The following CERS6 variants were observed in gnomAD, a reference collection of about 807,000 sequenced individuals.
CERS6 encodes LAG1 homolog, ceramide synthase 6.
A neutral mutation model predicts 56.8 loss-of-function variants in CERS6; 26 were observed. That is an observed-to-expected ratio of 0.46 (90% CI 0.34 to 0.63). The LOEUF (loss-of-function observed/expected upper bound fraction) is 0.63. Among genes scored for constraint, CERS6 ranks in the 30% least tolerant of loss-of-function variants. The pLI, the probability that CERS6 is intolerant of heterozygous loss-of-function variation, is 0.01. For missense variants in CERS6, 415 were observed against 467.5 expected, an observed-to-expected ratio of 0.89 and a Z score of 1.04; for synonymous variants, 164 against 173.3, an observed-to-expected ratio of 0.95 and a Z score of 0.42.
At chr2:168,686,211 G>A (rs534925005) in intron 4 of CERS6, among the ~76,000 whole-genome samples, 14 of 150,554 alleles carry the variant, frequency 9.3e-5, no homozygotes, top group African/African-American at 2.9e-4. Context: ...TTCTCACTGC[G>A]GTCTTCACTT....
At chr2:168,769,482 G>A in intron 9 of CERS6, 28 bp from the exon 10 acceptor site, 1 of 1,552,824 alleles carries the variant, frequency 6.4e-7, no homozygotes, top group South Asian at 1.2e-5. Flanking sequence ...TTAGGTGCTG[G>A]TTATACTCAC....
intron 8 of CERS6, among the ~76,000 whole-genome samples, chr2:168,718,443 T>G (rs569562608): frequency 3.3e-5 from 5 of 152,268 alleles, no homozygotes; most frequent in African/African-American, 1.2e-4. Flanking sequence ...AGTGAGAAAC[T>G]CTGGATATAA....
chr2:168,756,047 C>T (rs1292946724), intron 8 of CERS6, among the ~76,000 whole-genome samples: 2 of 152,222 alleles, frequency 1.3e-5, no homozygotes, highest in Non-Finnish European at 2.9e-5. Context: ...AGCACTTGGC[C>T]TGCCATTGGC....
intron 8 of CERS6, among the ~76,000 whole-genome samples, chr2:168,754,112 G>A (rs773765841): frequency 2.6e-5 from 4 of 152,044 alleles, no homozygotes; most frequent in Non-Finnish European, 5.9e-5. Flanking sequence ...ACCACTCCCC[G>A]TGTTAAGTAT....
intron 3 of CERS6, among the ~76,000 whole-genome samples, chr2:168,585,163 C>T (rs149706543): frequency 2.4e-4 from 36 of 152,360 alleles, no homozygotes; most frequent in Non-Finnish European, 3.8e-4. Flanking sequence ...CTCTGGGGCC[C>T]AGCCATTGAT....
chr2:168,572,325 T>A (rs7605770), intron 3 of CERS6, among the ~76,000 whole-genome samples: 141,760 of 152,134 alleles, frequency 0.93, 66,132 homozygotes, highest in East Asian at 1. Flanking sequence ...TACAGTTCAG[T>A]TGCTGTGATG....
intron 3 of CERS6, among the ~76,000 whole-genome samples, chr2:168,578,326 C>T (rs544821178): frequency 2.0e-5 from 3 of 152,180 alleles, no homozygotes; most frequent in Admixed American, 6.5e-5. Context: ...TGAAGGAAAA[C>T]GTTACCATGT....
intron 3 of CERS6, among the ~76,000 whole-genome samples, chr2:168,597,607 G>A (rs1375940915): frequency 6.6e-6 from 1 of 152,102 alleles, no homozygotes; most frequent in Admixed American, 6.5e-5. Context: ...TGAAGGTAGG[G>A]TGCCCTTAGC....
At chr2:168,760,738 GTTTATTTA>G (rs80269147) in intron 8 of CERS6, among the ~76,000 whole-genome samples, 19 of 129,224 alleles carry the variant, frequency 1.5e-4, no homozygotes, top group African/African-American at 4.1e-4. Flanking sequence ...TTTACTGTTT[GTTTATTTA>G]TTTATTTATT....
intron 3 of CERS6, among the ~76,000 whole-genome samples, chr2:168,594,517 T>A (rs1683751349): frequency 6.6e-6 from 1 of 152,128 alleles, no homozygotes; most frequent in Admixed American, 6.5e-5. Context: ...CCTGGGAGGT[T>A]GAGGTTGTGG....
chr2:168,620,680 G>A (rs944055893), intron 3 of CERS6, among the ~76,000 whole-genome samples: 1 of 151,682 alleles, frequency 6.6e-6, no homozygotes, highest in Non-Finnish European at 1.5e-5. Context: ...ACTCAGTCTC[G>A]TGTTTTGTTA....
intron 8 of CERS6, among the ~76,000 whole-genome samples, chr2:168,736,580 T>C (rs182150252): frequency 3.3e-5 from 5 of 152,336 alleles, no homozygotes; most frequent in Admixed American, 3.3e-4. Context: ...TCCTCCTGCC[T>C]CAGCCTCCAG....
chr2:168,743,927 C>A (rs1559076830), intron 8 of CERS6, among the ~76,000 whole-genome samples: 3 of 151,404 alleles, frequency 2.0e-5, no homozygotes. Context: ...CACCCCACCC[C>A]CCACCACCAC....
At chr2:168,501,549 G>T (rs961519070) in intron 1 of CERS6, among the ~76,000 whole-genome samples, 10 of 152,180 alleles carry the variant, frequency 6.6e-5, no homozygotes, top group Admixed American at 6.5e-4. Context: ...TGGTCTGAGG[G>T]AATGGACCAA....
chr2:168,645,117 ATAT>A lies in CERS6; in HGVS notation c.465+14076_465+14078del, dbSNP rs1408641628. On this transcript the variant is annotated intron_variant, in intron 4 of 9. Coordinates refer to ENST00000305747, the MANE Select transcript of CERS6 (RefSeq NM_203463.3). The stretch of plus-strand genomic sequence containing the variant: ...AAAAAAAAAAAAAAAAAAAAAAAAA[ATAT>A]ATATATATATATATATATATATAGA... 1.8e-3 allele frequency among the ~76,000 whole-genome samples: 24 copies of A among 13,364 alleles called. 5 individuals carry two copies. The highest frequency in any genetic ancestry group is 2.5e-3 in the Non-Finnish European group (17 of 6,926). 8.8% of individuals were successfully genotyped at this position (13,364 alleles called of 152,430 possible).
chr2:168,626,066 A>G lies in CERS6; in HGVS notation c.408-4919A>G, dbSNP rs374357166. ...CTGGAACCAAACAGCCTAGTTTCCA[A>G]TCCTGACTTTCTCTCTTACTAGCTG... is the stretch of plus-strand genomic sequence containing the variant. On this transcript the variant is annotated intron_variant, in intron 3 of 9. Coordinates refer to ENST00000305747, the MANE Select transcript of CERS6 (RefSeq NM_203463.3). Among the ~76,000 whole-genome samples the G allele has an allele frequency of 5.3e-5, 8 of 152,264 alleles. No homozygotes were observed. The East Asian group carries it at 9.6e-4, about 18-fold the overall frequency.
At chr2:168,529,820 A>C (rs1695134089) in intron 1 of CERS6, among the ~76,000 whole-genome samples, 1 of 152,202 alleles carries the variant, frequency 6.6e-6, no homozygotes, top group Non-Finnish European at 1.5e-5. Flanking sequence ...GTGAATTGTA[A>C]GGCACCTAGA....
chr2:168,660,272 A>C (rs574134903), intron 4 of CERS6, among the ~76,000 whole-genome samples: 1 of 152,254 alleles, frequency 6.6e-6, no homozygotes, highest in South Asian at 2.1e-4. Context: ...TTTACCTCCA[A>C]TCTTCTGCCC....
At chr2:168,643,064 C>T (rs1009190055) in intron 4 of CERS6, among the ~76,000 whole-genome samples, 10 of 152,276 alleles carry the variant, frequency 6.6e-5, no homozygotes, top group South Asian at 2.1e-4. Flanking sequence ...ATAACTATAC[C>T]GCAGTGTTCT....
Sources: gnomAD v4.1 joint callset for allele counts (sites outside exome capture counted in the v4.1 genomes callset) on GRCh38, gnomAD v4.1.1 for gene constraint, MANE v1.5 for transcripts, NCBI Gene and HGNC (gene_info 2026-07-23, HGNC 2026-07-21) for gene names.